The following PTPN2 variants were observed in gnomAD, a reference collection of about 807,000 sequenced individuals.
PTPN2 encodes protein tyrosine phosphatase non-receptor type 2.
PTPN2 carries 19 observed loss-of-function variants against 57.3 expected under a neutral mutation model. The observed-to-expected ratio is 0.33, with a 90% CI of 0.23 to 0.49. The LOEUF (loss-of-function observed/expected upper bound fraction) is 0.49, where lower values mean the gene tolerates loss of function less well. Among genes scored for constraint, PTPN2 ranks in the 20% least tolerant of loss-of-function variants. The pLI, the probability that PTPN2 is intolerant of heterozygous loss-of-function variation, is 0.99. For missense variants in PTPN2, 358 were observed against 501.1 expected (o/e 0.71, Z 2.73); for synonymous variants, 153 against 164.9 (o/e 0.93, Z 0.55).
intron 8 of PTPN2, among the ~76,000 whole-genome samples, chr18:12,799,752 A>C (rs1397141871): frequency 3.3e-5 from 5 of 151,860 alleles, no homozygotes; most frequent in Non-Finnish European, 5.9e-5. Context: ...TTTGTATTTT[A>C]AAATTCGTAT....
At chr18:12,852,010 C>G (rs1038377800) in intron 2 of PTPN2, among the ~76,000 whole-genome samples, 8 of 152,010 alleles carry the variant, frequency 5.3e-5, no homozygotes, top group African/African-American at 1.9e-4. Flanking sequence ...CTCATAGAAA[C>G]AGAAAGCAGA....
intron 2 of PTPN2, among the ~76,000 whole-genome samples, chr18:12,838,035 C>A (rs2042925621): frequency 6.6e-6 from 1 of 151,952 alleles, no homozygotes; most frequent in Non-Finnish European, 1.5e-5. Flanking sequence ...CACCCTTTAA[C>A]TGTTATATTA....
At chr18:12,849,562 A>AAAAT (rs55802637) in intron 2 of PTPN2, among the ~76,000 whole-genome samples, 142,178 of 151,556 alleles carry the variant, frequency 0.94, 67,035 homozygotes, top group East Asian at 1. Flanking sequence ...CCTGTCTCAA[A>AAAAT]AAATAAATAA....
intron 1 of PTPN2, chr18:12,883,704 C>G (rs1390142696): frequency 5.4e-6 from 1 of 185,138 alleles, no homozygotes; most frequent in African/African-American, 2.3e-5. Context: ...GAAGCTGCGG[C>G]CCGGGGGCGC....
intron 7 of PTPN2, among the ~76,000 whole-genome samples, chr18:12,807,134 T>C (rs1329722165): frequency 6.6e-6 from 1 of 152,088 alleles, no homozygotes; most frequent in Non-Finnish European, 1.5e-5. Flanking sequence ...AAGACCTGAA[T>C]AGCCATTTCT....
At chr18:12,842,956 G>A (rs935480088) in intron 2 of PTPN2, among the ~76,000 whole-genome samples, 1 of 152,312 alleles carries the variant, frequency 6.6e-6, no homozygotes, top group East Asian at 1.9e-4. Flanking sequence ...GAAATGAAAT[G>A]ACGTTAACTG....
rs1392648043 is a variant in PTPN2 at position 12,793,336 on chromosome 18, T to G, written c.*942A>C. On this transcript the variant is annotated 3_prime_UTR_variant, in exon 9 of 9. Coordinates refer to ENST00000309660, the MANE Select transcript of PTPN2 (RefSeq NM_002828.4). The stretch of plus-strand genomic sequence containing the variant: ...AAACTTCAGTCTAGTAAACTGAAAT[T>G]ATGAATCATAAAATGCTGCTTCTTA... 2 of 976,200 alleles carry G rather than the reference T, an allele frequency of 2.0e-6. No homozygotes were observed. Among genetic ancestry groups the G allele is most frequent in the Non-Finnish European group, 2.4e-6 (2 of 821,112 alleles). The allele number at this position is 976,200 out of a possible 1,614,324, so 60.5% of individuals were successfully genotyped here. A position where few individuals can be genotyped will look rare whatever the true frequency, so the allele number is the denominator to read the frequency against.
intron 2 of PTPN2, chr18:12,840,993 AC>A: frequency 7.0e-7 from 1 of 1,429,902 alleles, no homozygotes; most frequent in Non-Finnish European, 9.2e-7. Flanking sequence ...TTTTTAGTCA[AC>A]AAACATATTT....
At chr18:12,802,651 A>C (rs1211415185) in intron 7 of PTPN2, among the ~76,000 whole-genome samples, 1 of 152,234 alleles carries the variant, frequency 6.6e-6, no homozygotes, top group African/African-American at 2.4e-5. Context: ...GGAACCTGGC[A>C]GGTTGCTATT....
At chr18:12,865,776 G>A (rs140633677) in intron 1 of PTPN2, among the ~76,000 whole-genome samples, 30 of 151,386 alleles carry the variant, frequency 2.0e-4, no homozygotes, top group African/African-American at 5.8e-4. Context: ...GCAGTGAGCC[G>A]AGATAACGCC....
intron 1 of PTPN2, among the ~76,000 whole-genome samples, chr18:12,869,773 A>G (rs1276900905): frequency 6.6e-6 from 1 of 152,206 alleles, no homozygotes; most frequent in South Asian, 2.1e-4. Flanking sequence ...ATGGGCTAAC[A>G]TACCTAAGTT....
At chr18:12,836,491 T>C (rs902897833) in intron 3 of PTPN2, among the ~76,000 whole-genome samples, 2 of 152,220 alleles carry the variant, frequency 1.3e-5, no homozygotes, top group African/African-American at 2.4e-5. Context: ...CTAAGAAGCA[T>C]AAGCAGCACT....
chr18:12,800,411 A>G (rs2041372362), intron 8 of PTPN2, among the ~76,000 whole-genome samples: 1 of 152,178 alleles, frequency 6.6e-6, no homozygotes, highest in Non-Finnish European at 1.5e-5. Flanking sequence ...ATTATTGAAA[A>G]AGCTAAGGTA....
chr18:12,788,912 C>CA (rs2040913025), downstream of PTPN2, among the ~76,000 whole-genome samples: 3 of 152,270 alleles, frequency 2.0e-5, no homozygotes, highest in South Asian at 6.2e-4. Flanking sequence ...TAACCAAACT[C>CA]ATACTATTTT....
intron 1 of PTPN2, among the ~76,000 whole-genome samples, chr18:12,879,005 G>A (rs2044583751): frequency 6.6e-6 from 1 of 152,124 alleles, no homozygotes; most frequent in Non-Finnish European, 1.5e-5. Context: ...CTTTCTCAAA[G>A]CTCAGCCTGA....
At chr18:12,874,270 C>T in intron 1 of PTPN2, among the ~76,000 whole-genome samples, 1 of 144,924 alleles carries the variant, frequency 6.9e-6, no homozygotes, top group Non-Finnish European at 1.5e-5. Context: ...CAGCCCCCCG[C>T]CCGGCCAGCC....
downstream of PTPN2, among the ~76,000 whole-genome samples, chr18:12,788,542 G>C (rs2040904098): frequency 6.7e-6 from 1 of 149,646 alleles, no homozygotes; most frequent in Non-Finnish European, 1.5e-5. Context: ...CAAAGTACTG[G>C]GATTACAGGA....
At chr18:12,840,772 A>ATCC in intron 2 of PTPN2, 1 of 1,598,416 alleles carries the variant, frequency 6.3e-7, no homozygotes, top group Non-Finnish European at 8.5e-7. Context: ...TGCCTTTACC[A>ATCC]TCCTTTCCAT....
chr18:12,877,762 A>ACG (rs541949232), intron 1 of PTPN2, among the ~76,000 whole-genome samples: 1 of 152,364 alleles, frequency 6.6e-6, no homozygotes, highest in African/African-American at 2.4e-5. Context: ...CTATAATCCC[A>ACG]GCACTTTGGG....
Sources: gnomAD v4.1 joint callset for allele counts (sites outside exome capture counted in the v4.1 genomes callset) on GRCh38, gnomAD v4.1.1 for gene constraint, MANE v1.5 for transcripts, NCBI Gene and HGNC (gene_info 2026-07-23, HGNC 2026-07-21) for gene names.